Variants in FGFR3 observed in about 807,000 individuals in gnomAD.
FGFR3 encodes the protein fibroblast growth factor receptor 3.
Under a neutral mutation model 82.9 loss-of-function variants are expected in FGFR3, and 25 were observed. That is an observed-to-expected ratio of 0.30 (90% CI 0.22 to 0.42). The LOEUF is 0.42. Ranked by LOEUF, FGFR3 falls within the 10% of genes least tolerant of loss-of-function variation. FGFR3 has a pLI of 1.00. For synonymous variants in FGFR3, 620 were observed against 516.0 expected (o/e 1.20, Z -2.73); for missense variants, 1,026 against 1,161.0 (o/e 0.88, Z 1.69).
rs2108816717 is a variant in FGFR3 at position 1,807,098 on chromosome 4, C to A, written c.2275-18C>A. On this transcript the variant is annotated intron_variant, in intron 17 of 17. Transcript: ENST00000440486. Reference sequence around the variant, plus strand: ...AGGGGCTCGGTGGCACAGCGCTCACCCCGCCTCCCGCCAGCAGGAGTACCT... The same window carrying A: ...AGGGGCTCGGTGGCACAGCGCTCACACCGCCTCCCGCCAGCAGGAGTACCT... 6.4e-7 allele frequency: 1 copy of A among 1,565,780 alleles called. No homozygotes were observed.
chr4:1,800,875 C>T (rs1412415374), intron 4 of FGFR3, among the ~76,000 whole-genome samples: 4 of 152,206 alleles, frequency 2.6e-5, no homozygotes, highest in Admixed American at 6.5e-5. Flanking sequence ...TCTGGGTGCC[C>T]GCCAGACTTG....
intron 2 of FGFR3, among the ~76,000 whole-genome samples, chr4:1,795,414 A>T (rs899620756): frequency 7.3e-5 from 11 of 150,530 alleles, no homozygotes; most frequent in Admixed American, 5.9e-4. Context: ...CGCTCCTGGA[A>T]CGCCCCGCCC....
intron 4 of FGFR3, among the ~76,000 whole-genome samples, chr4:1,800,924 G>C (rs542122151): frequency 2.7e-4 from 41 of 152,288 alleles, no homozygotes; most frequent in African/African-American, 9.4e-4. Context: ...TGATTTCCGT[G>C]GGCCCATGCT....
At chr4:1,805,069 G>T (rs534673009) in intron 10 of FGFR3, 100 bp downstream of exon 10, 35 of 1,436,506 alleles carry the variant, frequency 2.4e-5, no homozygotes, top group South Asian at 1.4e-4. Context: ...GGCCGTCAGG[G>T]ATGTGGCGGA....
rs1722281170 is a variant in FGFR3 at position 1,808,866 on chromosome 4, A to C, written c.*1604A>C. The C allele has an allele frequency of 9.0e-6, 2 of 221,274 alleles. No individual in the cohort carries two copies. Among genetic ancestry groups the C allele is most frequent in the African/African-American group, 4.5e-5 (2 of 44,586 alleles). The allele number at this position is 221,274 out of a possible 1,614,324, so 13.7% of individuals were successfully genotyped here. On this transcript the variant is annotated 3_prime_UTR_variant, in exon 18 of 18. Transcript: ENST00000440486. Reference sequence around the variant, plus strand: ...CGAAAAATAAAGACACCTGGTTGCTAACCTGGCCCTGTGCTTTCTGTCTCC... The same window carrying C: ...CGAAAAATAAAGACACCTGGTTGCTCACCTGGCCCTGTGCTTTCTGTCTCC...
rs121913483 is a variant in FGFR3, at chr4:1,801,841, C to A, written c.746C>A (p.Ser249Tyr). 4.4e-6 allele frequency: 7 copies of A among 1,606,900 alleles called. No individual in the cohort carries two copies. The highest frequency in any genetic ancestry group is 6.0e-6 in the Non-Finnish European group (7 of 1,176,230). ...QTYTLDVLER[S>Y]PHRPILQAGL... is the part of the protein sequence containing the mutation. ...GCGTCATCTGCCCCCACAGAGCGCT[C>A]CCCGCACCGGCCCATCCTGCAGGCG... Residue 249 changes from serine (S) to tyrosine (Y), a missense_variant, in exon 7 of 18, where the codon TCC (serine) becomes TAC (tyrosine). Physicochemically the swap from Ser to Tyr is moderately radical, Grantham distance 144. Around this residue, in one of 9 missense-constraint regions of FGFR3, gnomAD observed 147 missense variants for 228.1 expected, o/e 0.64. Coordinates refer to ENST00000440486, the MANE Select transcript of FGFR3 (RefSeq NM_000142.5).
intron 7 of FGFR3, among the ~76,000 whole-genome samples, chr4:1,802,573 G>A (rs1721327772): frequency 6.6e-6 from 1 of 152,246 alleles, no homozygotes; most frequent in South Asian, 2.1e-4. Context: ...CGGTCTCTTG[G>A]GGGCGGGGAG....
At chr4:1,806,223 C>T (rs1434089933) in intron 14 of FGFR3, 34 bp from the exon 15 acceptor site, 2 of 1,612,732 alleles carry the variant, frequency 1.2e-6, no homozygotes, top group African/African-American at 2.7e-5. Flanking sequence ...AGTAGGACGC[C>T]TGGCGCCAAC....
chr4:1,800,029 C>T (rs562678827), intron 4 of FGFR3, among the ~76,000 whole-genome samples: 4 of 152,112 alleles, frequency 2.6e-5, no homozygotes, highest in South Asian at 2.1e-4. Flanking sequence ...AAGGGGACAC[C>T]GTGTTGCTGA....
chr4:1,806,778 C>T (rs1358438414), intron 16 of FGFR3, 51 bp from the exon 17 acceptor site: 3 of 1,593,464 alleles, frequency 1.9e-6, no homozygotes, highest in Non-Finnish European at 2.6e-6. Flanking sequence ...CAGGCTGTTC[C>T]CGAATAAGGC....
intron 11 of FGFR3, 22 bp downstream of exon 11, chr4:1,805,498 G>A (rs1408255196): frequency 1.2e-6 from 2 of 1,612,354 alleles, no homozygotes; most frequent in African/African-American, 2.7e-5. Flanking sequence ...GCGGCCAGGG[G>A]TGCAGAGCAG....
chr4:1,799,749 G>C lies in FGFR3; in HGVS notation c.382G>C (p.Ala128Pro). Residue 128 changes from alanine (A) to proline (P), a missense_variant and splice_region_variant, in exon 4 of 18, where the codon GCT (alanine) becomes CCT (proline). Physicochemically the swap from Ala to Pro is conservative, Grantham distance 27. Coordinates refer to ENST00000440486, the MANE Select transcript of FGFR3 (RefSeq NM_000142.5). ...LCHFSVRVTD[A>P]PSSGDDEDGE... ...TTGCGGCCATCTCTGCCTTGCAGAC[G>C]CTCCATCCTCGGGAGATGACGAAGA... 6.2e-7 allele frequency: 1 copy of C among 1,612,956 alleles called. No homozygotes were observed. Among genetic ancestry groups the C allele is most frequent in the Non-Finnish European group, 8.5e-7 (1 of 1,179,930 alleles).
chr4:1,803,870 T>C, intron 8 of FGFR3, 34 bp downstream of exon 8: 2 of 1,603,832 alleles, frequency 1.2e-6, no homozygotes, highest in Non-Finnish European at 1.7e-6. Flanking sequence ...TGCTCCGCAC[T>C]GTCTGGGGGA....
rs551739335 is a variant in FGFR3, at chr4:1,807,651, C to T, written c.*389C>T. 3.2e-4 allele frequency: 202 copies of T among 632,654 alleles called. 2 individuals carry two copies. The East Asian group carries it at 6.4e-3, about 20-fold the overall frequency. The allele number at this position is 632,654 out of a possible 1,614,324, so 39.2% of individuals were successfully genotyped here. On this transcript the variant is annotated 3_prime_UTR_variant, in exon 18 of 18. Coordinates refer to ENST00000440486, the MANE Select transcript of FGFR3 (RefSeq NM_000142.5). The stretch of plus-strand genomic sequence containing the variant: ...TCTGCCTTTGCACCACGGGACATCA[C>T]AGGGTGGGCCTCGGCCCCTCCCACA...
Position 1,803,701 on chromosome 4 carries a change from G to A in FGFR3, c.940G>A (p.Ala314Thr), listed in dbSNP as rs748488719. The change falls in exon 8 of 18, where the codon GCT becomes ACT. Residue 314 changes from alanine (A) to threonine (T), a missense_variant. Ala to Thr is a moderately conservative substitution (Grantham distance 58). Around this residue, in one of 9 missense-constraint regions of FGFR3, gnomAD observed 256 missense variants for 217.6 expected, o/e 1.18. Transcript: ENST00000440486. ...TGCTCTCTCTTTGTAGACGGCGGGC[G>A]CTAACACCACCGACAAGGAGCTAGA... Reference protein sequence around the residue: ...PYVTVLKTAGANTTDKELEVL... With the variant: ...PYVTVLKTAGTNTTDKELEVL... 28 of 1,613,506 alleles carry A rather than the reference G, an allele frequency of 1.7e-5. No homozygotes were observed. The African/African-American group carries it at 2.3e-4, about 13-fold the overall frequency.
intron 7 of FGFR3, among the ~76,000 whole-genome samples, chr4:1,803,361 C>G (rs887075895): frequency 6.6e-6 from 1 of 152,170 alleles, no homozygotes. Flanking sequence ...TCCACCCCTG[C>G]CCGCTGCCTG....
At position 1,807,565 on chromosome 4, in the gene FGFR3, A is replaced by G. The variant is rs1722122357; in HGVS notation, c.*303A>G. ...CTGGGGGGACCCAGTGCAGAATGTA[A>G]GTGGGCCCACCCGGTGGGACCCCCG... On this transcript the variant is annotated 3_prime_UTR_variant, in exon 18 of 18. Coordinates refer to ENST00000440486, the MANE Select transcript of FGFR3 (RefSeq NM_000142.5). 4.3e-6 allele frequency: 3 copies of G among 702,538 alleles called. No homozygotes were observed. The highest frequency in any genetic ancestry group is 1.7e-5 in the African/African-American group (1 of 58,036). The allele number at this position is 702,538 out of a possible 1,614,324, so 43.5% of individuals were successfully genotyped here. A position where few individuals can be genotyped will look rare whatever the true frequency, so the allele number is the denominator to read the frequency against.
In FGFR3 at chr4:1,801,712, C is replaced by T. The variant is rs1237216179; in HGVS notation, c.708C>T (p.Ser236=). ...YTCVVENKFG[S]IRQTYTLDVL... is the part of the protein sequence containing the mutation. ...GCGTCGTGGAGAACAAGTTTGGCAG[C>T]ATCCGGCAGACGTACACGCTGGACG... Residue 236 remains serine, a synonymous_variant, in exon 6 of 18, where the codon AGC becomes AGT. Coordinates refer to ENST00000440486, the MANE Select transcript of FGFR3 (RefSeq NM_000142.5). The T allele has an allele frequency of 1.2e-6, 2 of 1,609,594 alleles. No individual in the cohort carries two copies. The highest frequency in any genetic ancestry group is 1.1e-5 in the South Asian group (1 of 90,660).
intron 10 of FGFR3, 68 bp downstream of exon 10, chr4:1,805,037 C>T: frequency 1.3e-6 from 2 of 1,493,600 alleles, no homozygotes; most frequent in Non-Finnish European, 1.8e-6. Flanking sequence ...AGCCACCAGT[C>T]AGAGGCCCGG....
Sources: allele counts gnomAD v4.1 joint callset (sites outside exome capture counted in the v4.1 genomes callset), GRCh38; gene constraint gnomAD v4.1.1; regional missense constraint gnomAD v4.1.1; transcripts MANE v1.5; gene names NCBI Gene and HGNC (gene_info 2026-07-23, HGNC 2026-07-21).